AK9: variants seen among roughly 807,000 people sequenced by gnomAD.
AK9 encodes the protein adenylate kinase 9.
Under a neutral mutation model 239.6 loss-of-function variants are expected in AK9, and 191 were observed. That is an observed-to-expected ratio of 0.80 (90% CI 0.71 to 0.90). The LOEUF (loss-of-function observed/expected upper bound fraction) is 0.90. AK9 is among the 40% of genes least tolerant of loss of function. AK9 has a pLI of 0.00. For synonymous variants in AK9, 689 were observed against 721.0 expected (o/e 0.96, Z 0.71); for missense variants, 1,995 against 2,214.7 (o/e 0.90, Z 1.99).
intron 21 of AK9, among the ~76,000 whole-genome samples, chr6:109,572,312 C>T (rs1787526145): frequency 6.6e-6 from 1 of 152,124 alleles, no homozygotes; most frequent in African/African-American, 2.4e-5. Flanking sequence ...AAATTAAATT[C>T]CCAGATTCCC....
chr6:109,640,377 C>T (rs918943186), intron 10 of AK9, among the ~76,000 whole-genome samples: 1 of 152,186 alleles, frequency 6.6e-6, no homozygotes, highest in Non-Finnish European at 1.5e-5. Context: ...CCCCGGACCC[C>T]TTGCACTTCC....
At chr6:109,559,567 T>A (rs1271102117) in intron 24 of AK9, among the ~76,000 whole-genome samples, 1 of 152,254 alleles carries the variant, frequency 6.6e-6, no homozygotes, top group East Asian at 1.9e-4. Flanking sequence ...GCTAAATTTA[T>A]CCCTTCATAT....
intron 12 of AK9, among the ~76,000 whole-genome samples, chr6:109,629,499 T>C (rs1795892048): frequency 6.6e-6 from 1 of 152,118 alleles, no homozygotes; most frequent in Non-Finnish European, 1.5e-5. Flanking sequence ...ATGAGGAAGT[T>C]TTTCTAAACA....
intron 21 of AK9, among the ~76,000 whole-genome samples, chr6:109,567,821 A>G (rs1786789625): frequency 6.6e-6 from 1 of 151,048 alleles, no homozygotes; most frequent in Admixed American, 6.6e-5. Context: ...AACATGGCAC[A>G]TGTATACATA....
At chr6:109,505,304 A>G (rs1409386919) in intron 35 of AK9, among the ~76,000 whole-genome samples, 2 of 152,186 alleles carry the variant, frequency 1.3e-5, no homozygotes, top group Non-Finnish European at 2.9e-5. Context: ...CTGAAGTTAA[A>G]CACAATCATT....
intron 29 of AK9, chr6:109,528,758 AT>A (rs1780841514): frequency 3.4e-6 from 2 of 592,144 alleles, no homozygotes; most frequent in Non-Finnish European, 6.2e-6. Context: ...TTGGCTGGAC[AT>A]TTTTATACAG....
intron 17 of AK9, among the ~76,000 whole-genome samples, chr6:109,603,670 G>A (rs1792411319): frequency 6.6e-6 from 1 of 152,194 alleles, no homozygotes; most frequent in African/African-American, 2.4e-5. Context: ...GCCCCCAGAG[G>A]TGGAGTCTAC....
intron 29 of AK9, among the ~76,000 whole-genome samples, chr6:109,519,505 C>A (rs1779613846): frequency 6.6e-6 from 1 of 151,956 alleles, no homozygotes; most frequent in Admixed American, 6.6e-5. Context: ...TTAATAATAG[C>A]CATTCTAGGT....
intron 29 of AK9, chr6:109,528,599 C>T (rs1365254368): frequency 4.4e-6 from 2 of 458,126 alleles, no homozygotes; most frequent in East Asian, 1.4e-4. Context: ...TTCTGCAATG[C>T]TTTGTGCCTG....
intron 31 of AK9, among the ~76,000 whole-genome samples, chr6:109,515,604 G>A (rs1249098538): frequency 6.6e-6 from 1 of 152,136 alleles, no homozygotes; most frequent in African/African-American, 2.4e-5. Flanking sequence ...ATGGATGGGA[G>A]TAAATGCTAG....
chr6:109,517,430 T>C (rs1388896868), intron 29 of AK9, among the ~76,000 whole-genome samples: 2 of 152,214 alleles, frequency 1.3e-5, no homozygotes, highest in Admixed American at 1.3e-4. Flanking sequence ...GTCAAAATGT[T>C]ACATGTTTTT....
At chr6:109,689,189 C>CT (rs201071633) in intron 1 of AK9, among the ~76,000 whole-genome samples, 61 of 151,578 alleles carry the variant, frequency 4.0e-4, no homozygotes, top group African/African-American at 1.2e-3. Context: ...TCCCATTAAT[C>CT]TTTTTTTTTG....
At chr6:109,552,282 A>G (rs891085028) in intron 24 of AK9, among the ~76,000 whole-genome samples, 3 of 152,190 alleles carry the variant, frequency 2.0e-5, no homozygotes, top group African/African-American at 7.2e-5. Context: ...GAATCGCCAC[A>G]CTGTGTTTCA....
At chr6:109,519,022 C>T (rs923502124) in intron 29 of AK9, among the ~76,000 whole-genome samples, 2 of 152,056 alleles carry the variant, frequency 1.3e-5, no homozygotes, top group Admixed American at 6.6e-5. Context: ...TCCATGAGTA[C>T]CCAGTGTTTA....
intron 15 of AK9, among the ~76,000 whole-genome samples, chr6:109,613,130 G>C (rs1005423314): frequency 6.6e-6 from 1 of 151,064 alleles, no homozygotes; most frequent in Non-Finnish European, 1.5e-5. Context: ...GCCTGATTGA[G>C]AGAAAGACTT....
chr6:109,610,362 T>C lies in AK9; in HGVS notation c.1842+3A>G. On this transcript the variant is annotated splice_donor_region_variant and intron_variant, in intron 17 of 40. Transcript: ENST00000424296. ...ATAAGAATTGCCCAGCTAGATTTTT[T>C]ACCTCTCCAAGGACTTCCTGTAAGA... 6.4e-7 allele frequency: 1 copy of C among 1,551,236 alleles called. No individual in the cohort carries two copies. The highest frequency in any genetic ancestry group is 1.4e-5 in the African/African-American group (1 of 73,136).
At position 109,619,125 on chromosome 6, in the gene AK9, T is replaced by C; in HGVS notation, c.1366A>G (p.Lys456Glu). The C allele has an allele frequency of 6.5e-7, 1 of 1,545,754 alleles. No individual in the cohort carries two copies. Among genetic ancestry groups the C allele is most frequent in the Non-Finnish European group, 8.7e-7 (1 of 1,144,716 alleles). ...CTAGCTTGCAGTTCCCTGAGAAGCTTTTCTTTCACAACTTTAATTGCTGCT... is the reference window on the plus strand; with the variant it reads ...CTAGCTTGCAGTTCCCTGAGAAGCTCTTCTTTCACAACTTTAATTGCTGCT... ...TAAAIKVVKE[K>E]LLRELQARKQ... Residue 456 changes from lysine (K) to glutamate (E), a missense_variant, in exon 13 of 41, where the codon AAG becomes GAG. Physicochemically the swap from Lys to Glu is moderately conservative, Grantham distance 56. Coordinates refer to ENST00000424296, the MANE Select transcript of AK9 (RefSeq NM_001145128.3).
chr6:109,554,902 CCTCT>C (rs1279741519), intron 24 of AK9, among the ~76,000 whole-genome samples: 2 of 151,932 alleles, frequency 1.3e-5, no homozygotes, highest in African/African-American at 4.8e-5. Context: ...CTGTTTGATT[CCTCT>C]CTCTCAGTAG....
chr6:109,565,277 G>C (rs1438068869), intron 21 of AK9, among the ~76,000 whole-genome samples: 3 of 152,068 alleles, frequency 2.0e-5, no homozygotes, highest in African/African-American at 7.2e-5. Context: ...AGGAGTTCAA[G>C]ACCAGCCTAG....
Sources: gnomAD v4.1 joint callset for allele counts (sites outside exome capture counted in the v4.1 genomes callset) on GRCh38, gnomAD v4.1.1 for gene constraint, MANE v1.5 for transcripts, NCBI Gene and HGNC (gene_info 2026-07-23, HGNC 2026-07-21) for gene names.